NAV2: variants seen among roughly 807,000 people sequenced by gnomAD.
NAV2 encodes helicase, APC down-regulated 1.
NAV2 carries 54 observed loss-of-function variants against 223.2 expected under a neutral mutation model. That is an observed-to-expected ratio of 0.24 (90% CI 0.19 to 0.30). NAV2 has a LOEUF of 0.30. Ranked by LOEUF, NAV2 falls within the 10% of genes least tolerant of loss-of-function variation. NAV2 has a pLI of 1.00. For synonymous variants in NAV2, 1,279 were observed against 1,239.3 expected (o/e 1.03, Z -0.67); for missense variants, 2,806 against 3,147.5 (o/e 0.89, Z 2.60).
intron 22 of NAV2, among the ~76,000 whole-genome samples, chr11:20,073,504 G>A (rs1163839262): frequency 6.6e-6 from 1 of 152,160 alleles, no homozygotes; most frequent in African/African-American, 2.4e-5. Flanking sequence ...AGTTTCACAA[G>A]GAATGGTACT....
At chr11:19,976,642 C>G (rs117214598) in intron 10 of NAV2, among the ~76,000 whole-genome samples, 1 of 152,320 alleles carries the variant, frequency 6.6e-6, no homozygotes, top group East Asian at 1.9e-4. Context: ...AGAGTCAGCT[C>G]CAGAACTCCT....
At chr11:19,667,805 A>G (rs1000633233) in intron 1 of NAV2, among the ~76,000 whole-genome samples, 3 of 152,242 alleles carry the variant, frequency 2.0e-5, no homozygotes, top group Non-Finnish European at 4.4e-5. Context: ...GAACAGTGTC[A>G]TGGTTAAAAC....
upstream of NAV2, among the ~76,000 whole-genome samples, chr11:19,708,918 A>AG (rs1199148584): frequency 1.2e-4 from 18 of 151,996 alleles, no homozygotes; most frequent in African/African-American, 3.6e-4. Context: ...AAAAAAAAGA[A>AG]AAAAAGAAAA....
intron 1 of NAV2, among the ~76,000 whole-genome samples, chr11:19,557,064 CA>C (rs1384510410): frequency 1.3e-5 from 2 of 152,008 alleles, no homozygotes; most frequent in Admixed American, 6.6e-5. Context: ...GTAAAATAAC[CA>C]AGGAATTTTA....
At chr11:20,092,882 G>A (rs1225597708) in intron 28 of NAV2, among the ~76,000 whole-genome samples, 3 of 152,146 alleles carry the variant, frequency 2.0e-5, no homozygotes, top group Non-Finnish European at 4.4e-5. Flanking sequence ...CTTCCATCCG[G>A]CAAGGTGCAT....
chr11:20,015,215 C>T (rs2053903984), intron 11 of NAV2, among the ~76,000 whole-genome samples: 1 of 152,170 alleles, frequency 6.6e-6, no homozygotes, highest in African/African-American at 2.4e-5. Flanking sequence ...GGCACGATAG[C>T]CTCACTTCAT....
intron 1 of NAV2, among the ~76,000 whole-genome samples, chr11:19,421,590 A>C (rs1564923754): frequency 6.6e-6 from 1 of 152,212 alleles, no homozygotes; most frequent in Non-Finnish European, 1.5e-5. Flanking sequence ...GTTGATTTAA[A>C]TTTGATCTAA....
intron 1 of NAV2, among the ~76,000 whole-genome samples, chr11:19,518,195 A>G (rs1455483709): frequency 6.6e-6 from 1 of 152,258 alleles, no homozygotes; most frequent in Non-Finnish European, 1.5e-5. Context: ...TCATTCATTC[A>G]GTCATTCAGC....
At chr11:19,868,695 G>T (rs1396238922) in intron 3 of NAV2, among the ~76,000 whole-genome samples, 1 of 152,096 alleles carries the variant, frequency 6.6e-6, no homozygotes, top group African/African-American at 2.4e-5. Context: ...TTCCACCCTG[G>T]TTATTTTTGG....
intron 3 of NAV2, among the ~76,000 whole-genome samples, chr11:19,856,652 G>A (rs1281881439): frequency 6.6e-6 from 1 of 152,170 alleles, no homozygotes; most frequent in African/African-American, 2.4e-5. Context: ...TTTGAAATTA[G>A]AGTGGAAACA....
chr11:19,578,884 G>C (rs930106670), intron 1 of NAV2, among the ~76,000 whole-genome samples: 2 of 152,162 alleles, frequency 1.3e-5, no homozygotes, highest in East Asian at 3.9e-4. Context: ...TAAGTGGTGA[G>C]TCCCAGGAGA....
chr11:19,696,985 T>G (rs2049361322), intron 1 of NAV2, among the ~76,000 whole-genome samples: 1 of 152,206 alleles, frequency 6.6e-6, no homozygotes, highest in African/African-American at 2.4e-5. Context: ...CATAGATTGG[T>G]TGAGTCGCTT....
intron 7 of NAV2, among the ~76,000 whole-genome samples, chr11:19,935,730 G>A (rs149629994): frequency 1.1e-3 from 170 of 151,944 alleles, no homozygotes; most frequent in African/African-American, 4.0e-3. Context: ...TTTTTAATTG[G>A]GAGAAGGTCT....
chr11:19,563,685 C>T (rs957538155), intron 1 of NAV2, among the ~76,000 whole-genome samples: 1 of 152,192 alleles, frequency 6.6e-6, no homozygotes, highest in African/African-American at 2.4e-5. Context: ...AAGCGATTCA[C>T]ATGCCCCCAA....
intron 1 of NAV2, among the ~76,000 whole-genome samples, chr11:19,392,695 C>T (rs953705287): frequency 3.3e-5 from 5 of 152,070 alleles, no homozygotes; most frequent in Admixed American, 6.6e-5. Context: ...GCCCATATAA[C>T]GGGGAGGGAT....
chr11:19,618,103 A>G (rs895276249), intron 1 of NAV2, among the ~76,000 whole-genome samples: 2 of 152,234 alleles, frequency 1.3e-5, no homozygotes, highest in African/African-American at 2.4e-5. Context: ...TCCCTAGACT[A>G]TAAGACCCAT....
chr11:19,693,233 T>A (rs2152267838), intron 1 of NAV2, among the ~76,000 whole-genome samples: 1 of 152,316 alleles, frequency 6.6e-6, no homozygotes, highest in East Asian at 1.9e-4. Context: ...GGTCCCCTCG[T>A]GATGGGATGG....
chr11:19,791,972 C>A (rs1158426523), intron 1 of NAV2, among the ~76,000 whole-genome samples: 2 of 152,214 alleles, frequency 1.3e-5, no homozygotes, highest in Non-Finnish European at 2.9e-5. Context: ...TGTTCAGTTT[C>A]TTCCACCATC....
At chr11:20,066,525 T>C (rs1262371195) in intron 20 of NAV2, among the ~76,000 whole-genome samples, 1 of 152,174 alleles carries the variant, frequency 6.6e-6, no homozygotes, top group Non-Finnish European at 1.5e-5. Flanking sequence ...ATTTAAAAAT[T>C]GGTTGCTGCT....
Sources: allele counts gnomAD v4.1 joint callset (sites outside exome capture counted in the v4.1 genomes callset), GRCh38; gene constraint gnomAD v4.1.1; transcripts MANE v1.5; gene names NCBI Gene and HGNC (gene_info 2026-07-23, HGNC 2026-07-21).